The following TRPM1 variants were observed in gnomAD, a reference collection of about 807,000 sequenced individuals.
The protein encoded by TRPM1 is TRPM1-203 APA Isoform, Intron 10.
In TRPM1, 113 loss-of-function variants were observed where a neutral mutation model predicts 149.4. The observed-to-expected ratio is 0.76, with a 90% confidence interval of 0.65 to 0.88. The LOEUF (loss-of-function observed/expected upper bound fraction) is 0.88. Ranked by LOEUF, TRPM1 falls within the 40% of genes least tolerant of loss-of-function variation. TRPM1 has a pLI of 0.00. For missense variants in TRPM1, 1,976 were observed against 2,038.7 expected, an observed-to-expected ratio of 0.97 and a Z score of 0.59; for synonymous variants, 741 against 759.5, an observed-to-expected ratio of 0.98 and a Z score of 0.40.
At chr15:31,157,312 A>G (rs2036390655) in intron 1 of TRPM1, among the ~76,000 whole-genome samples, 1 of 152,160 alleles carries the variant, frequency 6.6e-6, no homozygotes, top group Non-Finnish European at 1.5e-5. Context: ...GTATTTCATT[A>G]TGTGAATAAA....
At chr15:31,061,038 G>A (rs993371629) in intron 10 of TRPM1, among the ~76,000 whole-genome samples, 1 of 152,180 alleles carries the variant, frequency 6.6e-6, no homozygotes, top group Non-Finnish European at 1.5e-5. Flanking sequence ...GGGAGGAAGT[G>A]TGCATCCCAG....
At chr15:31,050,663 C>A (rs1304588151) in intron 11 of TRPM1, 81 bp from the exon 12 acceptor site, 1 of 1,486,392 alleles carries the variant, frequency 6.7e-7, no homozygotes, top group African/African-American at 1.4e-5. Flanking sequence ...ACCCTCCCAC[C>A]TCTGTATGTG....
chr15:31,061,466 C>T lies in TRPM1; in HGVS notation c.1138G>A (p.Ala380Thr), dbSNP rs761125025. ...CCTTTCAGCAGGGCAGTTAAAATTG[C>T]CATCTCGATGTCCTGCTGGCCCTCA... The part of the protein sequence containing the change: ...GSEGQQDIEM[A>T]ILTALLKGTN... Residue 380 changes from alanine to threonine, a missense_variant, in exon 10 of 28, where the codon GCA becomes ACA. Physicochemically the swap from Ala to Thr is moderately conservative, Grantham distance 58. Around this residue, in one of 3 missense-constraint regions of TRPM1, gnomAD observed 1,332 missense variants for 1,347.1 expected, o/e 0.99. Transcript: ENST00000256552. The T allele has an allele frequency of 2.4e-5, 38 of 1,613,992 alleles. No homozygotes were observed. The Admixed American group carries it at 5.8e-4, about 25-fold the overall frequency.
At chr15:31,093,553 G>T (rs2035297492) in intron 1 of TRPM1, among the ~76,000 whole-genome samples, 1 of 151,916 alleles carries the variant, frequency 6.6e-6, no homozygotes, top group South Asian at 2.1e-4. Flanking sequence ...AAGACATCCT[G>T]TATTCATGAA....
chr15:31,154,060 G>A (rs373246022), intron 1 of TRPM1, among the ~76,000 whole-genome samples: 7 of 152,334 alleles, frequency 4.6e-5, no homozygotes, highest in Middle Eastern at 3.4e-3. Flanking sequence ...GTTCAGAAAC[G>A]ACAGCCTACA....
chr15:31,098,476 C>T (rs981395600), intron 1 of TRPM1, among the ~76,000 whole-genome samples: 4 of 152,130 alleles, frequency 2.6e-5, no homozygotes, highest in African/African-American at 9.7e-5. Flanking sequence ...TAAGCATGGT[C>T]CACAGCACGG....
At chr15:31,082,935 T>C (rs927628499) in intron 1 of TRPM1, among the ~76,000 whole-genome samples, 1 of 151,918 alleles carries the variant, frequency 6.6e-6, no homozygotes, top group African/African-American at 2.4e-5. Flanking sequence ...TGGGGGGCTT[T>C]AACAATGTGA....
chr15:31,079,302 G>A (rs2034794609), intron 2 of TRPM1, among the ~76,000 whole-genome samples: 1 of 152,202 alleles, frequency 6.6e-6, no homozygotes, highest in Non-Finnish European at 1.5e-5. Context: ...GTTGAATGTG[G>A]CTTAGCTGGG....
Position 31,040,016 on chromosome 15 carries a change from G to A in TRPM1, c.2316+102C>T. ...TGGCGTCTCCCTCAGGGGGTTGCTA[G>A]AAGGAATAAATGAAATAAGCCACAG... On this transcript the variant is annotated intron_variant, in intron 18 of 27. Coordinates refer to ENST00000256552, the MANE Select transcript of TRPM1 (RefSeq NM_001252024.2). This position sits in a 1 kb window ranked among gnomAD's most constrained non-coding sequence, Gnocchi z 4.2. 9.7e-7 allele frequency: 1 copy of A among 1,030,966 alleles called. No homozygotes were observed. Among genetic ancestry groups the A allele is most frequent in the East Asian group, 2.5e-5 (1 of 40,138 alleles). The allele number at this position is 1,030,966 out of a possible 1,614,324, so 63.9% of individuals were successfully genotyped here. A position where few individuals can be genotyped will look rare whatever the true frequency, so the allele number is the denominator to read the frequency against.
intron 3 of TRPM1, among the ~76,000 whole-genome samples, chr15:31,072,988 C>T (rs148988398): frequency 0.01 from 1,562 of 152,070 alleles, 13 homozygotes; most frequent in Non-Finnish European, 0.017. Context: ...TTCTTGATAG[C>T]GTCCCTTGAA....
At chr15:31,069,628 G>A in intron 4 of TRPM1, 1 of 1,326,042 alleles carries the variant, frequency 7.5e-7, no homozygotes, top group Non-Finnish European at 9.6e-7. Flanking sequence ...CGCAGGCCCA[G>A]GGAAGCTGTG....
Position 31,001,976 on chromosome 15 carries a change from A to C in TRPM1, c.4724T>G (p.Leu1575Ter). ...TTTCACATTCCTAGGATGTCCATGT[A>C]AACTTTTTGACCTGAGAGATGGGAA... ...LGFPSLRSKS[L>*]HGHPRNVKSI... Residue 1575 changes from leucine to a stop codon, truncating the protein, a stop_gained, in exon 28 of 28, where the codon TTA (leucine) becomes TGA (stop). Transcript: ENST00000256552. LOFTEE classifies it low-confidence loss of function (END_TRUNC). 2.5e-6 allele frequency: 4 copies of C among 1,614,196 alleles called. No homozygotes were observed. In the Admixed American group the frequency reaches 5.0e-5, roughly 20 times the overall value.
At chr15:31,114,940 A>G (rs2035776707) in intron 1 of TRPM1, among the ~76,000 whole-genome samples, 1 of 152,244 alleles carries the variant, frequency 6.6e-6, no homozygotes, top group South Asian at 2.1e-4. Context: ...ACAGAATAGC[A>G]ATAATATCTT....
intron 11 of TRPM1, among the ~76,000 whole-genome samples, chr15:31,056,191 C>A (rs543911307): frequency 5.9e-5 from 9 of 152,202 alleles, no homozygotes; most frequent in African/African-American, 2.2e-4. Flanking sequence ...AGGGGACCAG[C>A]AGTTGCTTGA....
intron 9 of TRPM1, 90 bp downstream of exon 9, chr15:31,062,489 T>C (rs1218141108): frequency 6.5e-7 from 1 of 1,532,508 alleles, no homozygotes; most frequent in Admixed American, 1.7e-5. Flanking sequence ...AAAATATGAA[T>C]AACCCTGTCA....
chr15:31,041,352 A>G (rs545087500), intron 17 of TRPM1, among the ~76,000 whole-genome samples: 41 of 152,198 alleles, frequency 2.7e-4, no homozygotes, highest in South Asian at 8.3e-4. Context: ...GGGTTTCACC[A>G]TGTTAGCCAG....
At chr15:31,131,297 A>G (rs1002106379) in intron 1 of TRPM1, among the ~76,000 whole-genome samples, 6 of 152,226 alleles carry the variant, frequency 3.9e-5, no homozygotes, top group East Asian at 3.8e-4. Flanking sequence ...TGATGCTGGC[A>G]ATTCAGATAT....
intron 27 of TRPM1, among the ~76,000 whole-genome samples, chr15:31,023,508 G>A (rs1241202739): frequency 6.6e-5 from 10 of 152,196 alleles, no homozygotes; most frequent in African/African-American, 9.7e-5. Flanking sequence ...AATATGGAGA[G>A]CTCAGGTAGG....
At chr15:31,095,814 T>C (rs1393078090) in intron 1 of TRPM1, among the ~76,000 whole-genome samples, 1 of 149,846 alleles carries the variant, frequency 6.7e-6, no homozygotes, top group Admixed American at 6.6e-5. Context: ...GAGGCCAAGG[T>C]GGGTGGATCT....
Sources: gnomAD v4.1 joint callset for allele counts (sites outside exome capture counted in the v4.1 genomes callset) on GRCh38, gnomAD v4.1.1 for gene constraint, gnomAD v4.1.1 regional missense constraint, Gnocchi (gnomAD v3.1) non-coding constraint, MANE v1.5 for transcripts, NCBI Gene and HGNC (gene_info 2026-07-23, HGNC 2026-07-21) for gene names.